AKAP6: variants seen among roughly 807,000 people sequenced by gnomAD.
The protein encoded by AKAP6 is A-kinase anchoring protein 6, also known as A-kinase anchor protein 6.
AKAP6 carries 58 observed loss-of-function variants against 188.5 expected under a neutral mutation model. The ratio of observed to expected loss-of-function variants is 0.31; its 90% CI spans 0.25 to 0.38. The LOEUF (loss-of-function observed/expected upper bound fraction) is 0.38, where lower values mean the gene tolerates loss of function less well. AKAP6 is among the 10% of genes least tolerant of loss of function. The pLI, the probability that AKAP6 is intolerant of heterozygous loss-of-function variation, is 1.00. For missense variants in AKAP6, 2,710 were observed against 2,740.0 expected, an observed-to-expected ratio of 0.99 and a Z score of 0.24; for synonymous variants, 989 against 998.6, an observed-to-expected ratio of 0.99 and a Z score of 0.18.
intron 2 of AKAP6, among the ~76,000 whole-genome samples, chr14:32,509,584 A>G (rs1469385590): frequency 6.6e-6 from 1 of 152,124 alleles, no homozygotes; most frequent in African/African-American, 2.4e-5. Context: ...TTTGTGTGGT[A>G]TGTGTGTTTT....
rs55959454 is a variant in AKAP6 at position 32,398,780 on chromosome 14, T to TTCTCTC, written c.-34-34661_-34-34656dup. Among the ~76,000 whole-genome samples, 593 of 131,276 alleles carry TTCTCTC rather than the reference T, an allele frequency of 4.5e-3. 5 individuals carry two copies. The highest frequency in any genetic ancestry group is 0.013 in the African/African-American group (435 of 32,966). 86.1% of individuals were successfully genotyped at this position (131,276 alleles called of 152,430 possible). ...TGTTTGCCCTTTTCTTTCTTTTCTT[T>TTCTCTC]TCTCTCTCTCTCTCTCTCTCTCTCC... On this transcript the variant is annotated intron_variant, in intron 1 of 13. Coordinates refer to ENST00000280979, the MANE Select transcript of AKAP6 (RefSeq NM_004274.5).
At position 32,463,023 on chromosome 14, in the gene AKAP6, A is replaced by C. The variant is rs568352219; in HGVS notation, c.324+29206A>C. ...CAAAGAAAGGCATTACATAATGGTA[A>C]AGGGATCAATGCAAGAAGAAGAGGT... On this transcript the variant is annotated intron_variant, in intron 2 of 13. Coordinates refer to ENST00000280979, the MANE Select transcript of AKAP6 (RefSeq NM_004274.5). 1.2e-3 allele frequency among the ~76,000 whole-genome samples: 178 copies of C among 151,010 alleles called. No homozygotes were observed. In the Middle Eastern group the frequency reaches 0.014, roughly 12 times the overall value.
intron 11 of AKAP6, among the ~76,000 whole-genome samples, chr14:32,752,713 C>G (rs181641742): frequency 9.8e-5 from 15 of 152,312 alleles, no homozygotes; most frequent in Admixed American, 9.1e-4. Context: ...TCTCTGGCAA[C>G]TGCCATTCTA....
rs1326721953 is a variant in AKAP6, at chr14:32,391,178, A to G, written c.-34-42282A>G. ...AGTGCAAAGAACCTCAGATTGTTCA[A>G]TGTCAGCTTAAAGCAAATAGCAGAT... On this transcript the variant is annotated intron_variant, in intron 1 of 13. Coordinates refer to ENST00000280979, the MANE Select transcript of AKAP6 (RefSeq NM_004274.5). Among the ~76,000 whole-genome samples, 4 of 152,182 alleles carry G rather than the reference A, an allele frequency of 2.6e-5. No individual in the cohort carries two copies. In the South Asian group the frequency reaches 6.2e-4, roughly 24 times the overall value.
chr14:32,645,216 T>C (rs530884957), intron 7 of AKAP6, among the ~76,000 whole-genome samples: 2 of 152,322 alleles, frequency 1.3e-5, no homozygotes, highest in Admixed American at 6.5e-5. Flanking sequence ...ATTTTTTGTA[T>C]ATATAGTATT....
chr14:32,802,133 C>A (rs977620407), intron 12 of AKAP6, among the ~76,000 whole-genome samples: 1 of 152,138 alleles, frequency 6.6e-6, no homozygotes, highest in Non-Finnish European at 1.5e-5. Context: ...TAGAAATTTT[C>A]CCACAGTTCT....
chr14:32,466,613 A>G (rs1733076519), intron 2 of AKAP6, among the ~76,000 whole-genome samples: 1 of 151,688 alleles, frequency 6.6e-6, no homozygotes, highest in African/African-American at 2.4e-5. Flanking sequence ...ATTAGGACCA[A>G]TACCTAATGC....
intron 1 of AKAP6, among the ~76,000 whole-genome samples, chr14:32,348,974 C>A (rs17098871): frequency 0.11 from 16,732 of 152,124 alleles, 1,166 homozygotes; most frequent in African/African-American, 0.19. Context: ...CCCGGCAGCC[C>A]CTCTAACCAG....
At chr14:32,787,677 A>G (rs562650817) in intron 12 of AKAP6, among the ~76,000 whole-genome samples, 2 of 152,314 alleles carry the variant, frequency 1.3e-5, no homozygotes, top group East Asian at 3.9e-4. Flanking sequence ...CTTGTACTTA[A>G]TTACTTACAA....
chr14:32,439,940 C>A (rs540802248), intron 2 of AKAP6, among the ~76,000 whole-genome samples: 2 of 151,974 alleles, frequency 1.3e-5, no homozygotes, highest in Non-Finnish European at 2.9e-5. Flanking sequence ...TTCTTTTCTG[C>A]GAAGAGTAGT....
At chr14:32,760,864 T>G (rs1418612905) in intron 11 of AKAP6, among the ~76,000 whole-genome samples, 1 of 152,216 alleles carries the variant, frequency 6.6e-6, no homozygotes, top group African/African-American at 2.4e-5. Context: ...TTGACTAATA[T>G]TTAGTCAATA....
At chr14:32,348,474 A>C (rs1887151825) in intron 1 of AKAP6, among the ~76,000 whole-genome samples, 2 of 143,408 alleles carry the variant, frequency 1.4e-5, no homozygotes, top group Non-Finnish European at 3.0e-5. Flanking sequence ...AAGTGCAATG[A>C]CACAATCCCA....
At chr14:32,624,062 C>G (rs889257589) in intron 7 of AKAP6, among the ~76,000 whole-genome samples, 2 of 152,008 alleles carry the variant, frequency 1.3e-5, no homozygotes, top group East Asian at 3.9e-4. Context: ...GGCCTCCTAT[C>G]TAACTATTAT....
intron 2 of AKAP6, among the ~76,000 whole-genome samples, chr14:32,532,223 T>A (rs536680744): frequency 6.6e-6 from 1 of 152,342 alleles, no homozygotes; most frequent in East Asian, 1.9e-4. Context: ...TTAATTTACA[T>A]TTCCATCTTG....
intron 2 of AKAP6, among the ~76,000 whole-genome samples, chr14:32,522,646 T>C (rs1319344119): frequency 1.3e-5 from 2 of 152,128 alleles, no homozygotes; most frequent in Admixed American, 1.3e-4. Flanking sequence ...TGAGATACCA[T>C]CTCACACCAG....
At chr14:32,533,214 A>T (rs1401273002) in intron 2 of AKAP6, among the ~76,000 whole-genome samples, 1 of 152,214 alleles carries the variant, frequency 6.6e-6, no homozygotes, top group East Asian at 1.9e-4. Flanking sequence ...AACCACTTGC[A>T]TTCTTCAGTG....
chr14:32,567,759 C>G (rs1293762205), intron 4 of AKAP6, among the ~76,000 whole-genome samples: 1 of 152,270 alleles, frequency 6.6e-6, no homozygotes, highest in Admixed American at 6.5e-5. Flanking sequence ...TAGAGCTAAT[C>G]TAAACAAGGA....
chr14:32,332,675 C>T (rs1342791616), intron 1 of AKAP6, among the ~76,000 whole-genome samples: 2 of 152,004 alleles, frequency 1.3e-5, no homozygotes, highest in Non-Finnish European at 2.9e-5. Context: ...GTTTGTATTC[C>T]CTGCTGTTGC....
At chr14:32,547,121 C>T in intron 4 of AKAP6, 122 bp downstream of exon 4, 2 of 992,746 alleles carry the variant, frequency 2.0e-6, no homozygotes, top group Non-Finnish European at 2.9e-6. Context: ...ATCTGATTCT[C>T]CAAAGAAAGA....
Sources: allele counts gnomAD v4.1 joint callset (sites outside exome capture counted in the v4.1 genomes callset), GRCh38; gene constraint gnomAD v4.1.1; transcripts MANE v1.5; gene names NCBI Gene and HGNC (gene_info 2026-07-23, HGNC 2026-07-21).